WDR19: variants seen among roughly 807,000 people sequenced by gnomAD.
The protein encoded by WDR19 is WD repeat-containing protein 19.
WDR19 carries 121 observed loss-of-function variants against 180.0 expected under a neutral mutation model. The observed-to-expected ratio is 0.67, with a 90% confidence interval of 0.58 to 0.78. The LOEUF (loss-of-function observed/expected upper bound fraction) is 0.78. Among genes scored for constraint, WDR19 ranks in the 30% least tolerant of loss-of-function variants. WDR19 has a pLI of 0.00. For synonymous variants in WDR19, 497 were observed against 540.7 expected, an observed-to-expected ratio of 0.92 and a Z score of 1.12; for missense variants, 1,450 against 1,640.7, an observed-to-expected ratio of 0.88 and a Z score of 2.01.
At position 39,228,598 on chromosome 4, in the gene WDR19, C is replaced by T. The variant is rs1730533430; in HGVS notation, c.1890C>T (p.Ile630=). The change falls in exon 17 of 37, where the codon ATC becomes ATT. Residue 630 remains isoleucine (I), a synonymous_variant. Transcript: ENST00000399820. ...CQTQSGKVNN[I]YLSTHGFLSN... Reference sequence around the variant, plus strand: ...CACAGAGTGGAAAAGTAAACAACATCTACCTTAGCACCCATGGCTTTCTCA... The same window carrying T: ...CACAGAGTGGAAAAGTAAACAACATTTACCTTAGCACCCATGGCTTTCTCA... The T allele has an allele frequency of 2.5e-6, 4 of 1,613,904 alleles. No homozygotes were observed. Among genetic ancestry groups the T allele is most frequent in the Non-Finnish European group, 3.4e-6 (4 of 1,179,836 alleles).
In WDR19 at chr4:39,244,263, T is replaced by A; in HGVS notation, c.2437T>A (p.Cys813Ser). The A allele has an allele frequency of 1.9e-6, 3 of 1,612,148 alleles. No individual in the cohort carries two copies. Among genetic ancestry groups the A allele is most frequent in the Non-Finnish European group, 2.5e-6 (3 of 1,178,710 alleles). The part of the protein sequence containing the change: ...TGDNKEHDEA[C>S]LAGVAQMSIR... ...GTGATTGCAGGAACATGATGAAGCTTGTCTGGCTGGAGTGGCCCAGATGTC... is the reference window on the plus strand; with the variant it reads ...GTGATTGCAGGAACATGATGAAGCTAGTCTGGCTGGAGTGGCCCAGATGTC... Residue 813 changes from cysteine to serine, a missense_variant, in exon 22 of 37, where the codon TGT (cysteine) becomes AGT (serine). Transcript: ENST00000399820.
At chr4:39,252,477 G>A (rs1733332505) in intron 24 of WDR19, among the ~76,000 whole-genome samples, 1 of 151,382 alleles carries the variant, frequency 6.6e-6, no homozygotes, top group Non-Finnish European at 1.5e-5. Flanking sequence ...CCTGCACGTT[G>A]TGCACATGTA....
At chr4:39,273,976 CTG>C (rs1383237310) in intron 32 of WDR19, 1 of 152,222 alleles carries the variant, frequency 6.6e-6, no homozygotes, top group African/African-American at 2.4e-5. Context: ...CATGTGGCCT[CTG>C]TCACAACTGC....
chr4:39,245,582 T>C (rs1186320196), intron 24 of WDR19, 130 bp downstream of exon 24: 2 of 898,280 alleles, frequency 2.2e-6, no homozygotes, highest in African/African-American at 1.7e-5. Flanking sequence ...TTACCCCTTG[T>C]TGGCCTGAAG....
chr4:39,210,981 C>A (rs1008123755), intron 9 of WDR19, among the ~76,000 whole-genome samples: 3 of 151,986 alleles, frequency 2.0e-5, no homozygotes, highest in African/African-American at 7.2e-5. Flanking sequence ...TACAAGTTAC[C>A]TGTAGTCCAA....
chr4:39,199,492 A>G lies in WDR19; in HGVS notation c.421A>G (p.Arg141Gly). 2 of 1,612,542 alleles carry G rather than the reference A, an allele frequency of 1.2e-6. No homozygotes were observed. Among genetic ancestry groups the G allele is most frequent in the Non-Finnish European group, 1.7e-6 (2 of 1,179,444 alleles). The change falls in exon 6 of 37, where the codon AGA becomes GGA. Residue 141 changes from arginine to glycine, a missense_variant. By Grantham distance (125) the Arg-to-Gly change is moderately radical. Coordinates refer to ENST00000399820, the MANE Select transcript of WDR19 (RefSeq NM_025132.4). The stretch of plus-strand genomic sequence containing the variant: ...CTCTTTTTCAGGAAAACATACTAAG[A>G]GAATCACTTGTGGATGTTGGAATGC... ...KIPVLGKHTK[R>G]ITCGCWNAEN...
chr4:39,258,463 A>C (rs920069132), intron 28 of WDR19, among the ~76,000 whole-genome samples: 3 of 152,112 alleles, frequency 2.0e-5, no homozygotes, highest in African/African-American at 7.2e-5. Context: ...GCAATAGGTC[A>C]TTCTTCTTCA....
At position 39,280,141 on chromosome 4, in the gene WDR19, T is replaced by TTTTTTTA. The variant is rs368949539; in HGVS notation, c.*13+1478_*13+1479insTTTTTTA. ...CTTGTTTTTTTTTTTTTTTTTTTTT[T>TTTTTTTA]AATAGAGGCAGGGTCTCGCCACATT... is the stretch of plus-strand genomic sequence containing the variant. On this transcript the variant is annotated intron_variant, in intron 36 of 36. Coordinates refer to ENST00000399820, the MANE Select transcript of WDR19 (RefSeq NM_025132.4). Among the ~76,000 whole-genome samples, 564 of 88,308 alleles carry TTTTTTTA rather than the reference T, an allele frequency of 6.4e-3. 65 individuals carry two copies. Among genetic ancestry groups the TTTTTTTA allele is most frequent in the Admixed American group, 0.023 (137 of 5,974 alleles). 57.9% of individuals were successfully genotyped at this position (88,308 alleles called of 152,430 possible). A position where few individuals can be genotyped will look rare whatever the true frequency, so the allele number is the denominator to read the frequency against.
At chr4:39,251,655 A>T (rs1202150519) in intron 24 of WDR19, among the ~76,000 whole-genome samples, 1 of 152,216 alleles carries the variant, frequency 6.6e-6, no homozygotes, top group African/African-American at 2.4e-5. Flanking sequence ...GAACTCAAAC[A>T]AATTTACAAG....
chr4:39,210,093 A>T (rs994794934), intron 9 of WDR19, among the ~76,000 whole-genome samples: 30 of 152,330 alleles, frequency 2.0e-4, no homozygotes, highest in African/African-American at 7.2e-4. Context: ...TCTGCCAAAC[A>T]CTTGAGAAAG....
chr4:39,261,607 A>G (rs1256688646), intron 28 of WDR19, among the ~76,000 whole-genome samples: 1 of 152,230 alleles, frequency 6.6e-6, no homozygotes, highest in East Asian at 1.9e-4. Flanking sequence ...AATTCCCACC[A>G]CTAGACAAAG....
intron 36 of WDR19, among the ~76,000 whole-genome samples, chr4:39,282,933 CAAATACACA>C (rs1044866834): frequency 3.3e-5 from 5 of 151,962 alleles, no homozygotes; most frequent in Non-Finnish European, 7.4e-5. Flanking sequence ...AAGTCATCTA[CAAATACACA>C]AAAAATTTAC....
At chr4:39,192,744 G>A (rs1356545657) in intron 4 of WDR19, among the ~76,000 whole-genome samples, 1 of 152,164 alleles carries the variant, frequency 6.6e-6, no homozygotes, top group Non-Finnish European at 1.5e-5. Context: ...TTATAGGCGT[G>A]AGCCACCGTG....
chr4:39,273,159 G>A lies in WDR19; in HGVS notation c.3565+98G>A, dbSNP rs1053646563. ...GCAGGCTCCCCTCATACACTAACTC[G>A]TTTAATTCTCACAGCAGCTCCATGA... is the stretch of plus-strand genomic sequence containing the variant. On this transcript the variant is annotated intron_variant, in intron 32 of 36. Transcript: ENST00000399820. 132 of 890,484 alleles carry A rather than the reference G, an allele frequency of 1.5e-4. 2 individuals carry two copies. Among genetic ancestry groups the A allele is most frequent in the South Asian group, 1.4e-3 (84 of 58,758 alleles). The allele number at this position is 890,484 out of a possible 1,614,324, so 55.2% of individuals were successfully genotyped here.
intron 15 of WDR19, among the ~76,000 whole-genome samples, chr4:39,227,320 C>T (rs1036065802): frequency 4.6e-5 from 7 of 152,092 alleles, no homozygotes; most frequent in Non-Finnish European, 1.0e-4. Flanking sequence ...TATATACAAG[C>T]CTACCTGCCT....
Position 39,203,735 on chromosome 4 carries a change from A to G in WDR19, c.603+13A>G, listed in dbSNP as rs1413471302. 6.2e-7 allele frequency: 1 copy of G among 1,604,958 alleles called. No homozygotes were observed. Among genetic ancestry groups the G allele is most frequent in the Non-Finnish European group, 8.5e-7 (1 of 1,174,524 alleles). ...TGCTGAAAGCATGGTAAGAATTCTA[A>G]TCAAATCCACGTGCAAATCATTTGG... On this transcript the variant is annotated intron_variant, in intron 7 of 36. Coordinates refer to ENST00000399820, the MANE Select transcript of WDR19 (RefSeq NM_025132.4).
chr4:39,182,949 C>T (rs1024917535), intron 1 of WDR19, among the ~76,000 whole-genome samples: 1 of 152,168 alleles, frequency 6.6e-6, no homozygotes, highest in Non-Finnish European at 1.5e-5. Flanking sequence ...GGTCCGATGT[C>T]ACGAGCTACC....
At chr4:39,225,795 C>T (rs915403570) in intron 15 of WDR19, among the ~76,000 whole-genome samples, 34 of 152,014 alleles carry the variant, frequency 2.2e-4, no homozygotes, top group African/African-American at 8.2e-4. Context: ...CCCGCCCCTT[C>T]TTCCTTTCCT....
intron 36 of WDR19, among the ~76,000 whole-genome samples, chr4:39,282,722 G>T (rs1269804412): frequency 6.6e-6 from 1 of 152,130 alleles, no homozygotes; most frequent in African/African-American, 2.4e-5. Context: ...GAATAAAGAA[G>T]TCTTTCGTGT....
Sources: gnomAD v4.1 joint callset for allele counts (sites outside exome capture counted in the v4.1 genomes callset) on GRCh38, gnomAD v4.1.1 for gene constraint, MANE v1.5 for transcripts, NCBI Gene and HGNC (gene_info 2026-07-23, HGNC 2026-07-21) for gene names.